Variants in GAD2 observed in about 807,000 individuals in gnomAD.
The protein encoded by GAD2 is glutamate decarboxylase 2, also known as 65 kDa glutamic acid decarboxylase.
A neutral mutation model predicts 80.1 loss-of-function variants in GAD2; 22 were observed. The observed-to-expected ratio is 0.27, with a 90% CI of 0.20 to 0.39. GAD2 has a LOEUF of 0.39. GAD2 is among the 10% of genes least tolerant of loss of function. The pLI, the probability that GAD2 is intolerant of heterozygous loss-of-function variation, is 1.00. For synonymous variants in GAD2, 274 were observed against 256.9 expected, an observed-to-expected ratio of 1.07 and a Z score of -0.64; for missense variants, 624 against 738.4, an observed-to-expected ratio of 0.85 and a Z score of 1.80.
chr10:26,283,851 G>C (rs79353177), intron 12 of GAD2, among the ~76,000 whole-genome samples: 10,506 of 152,260 alleles, frequency 0.069, 449 homozygotes, highest in Non-Finnish European at 0.098. Flanking sequence ...GCATCAGAAG[G>C]ACCTACCGAC....
chr10:26,219,297 A>G (rs1844424550), intron 4 of GAD2, 21 bp downstream of exon 4: 1 of 1,385,048 alleles, frequency 7.2e-7, no homozygotes, highest in African/African-American at 1.5e-5. Flanking sequence ...ATCGAAAATA[A>G]TAAAGCTCTT....
At chr10:26,241,237 G>A (rs1052505707) in intron 7 of GAD2, among the ~76,000 whole-genome samples, 11 of 152,170 alleles carry the variant, frequency 7.2e-5, no homozygotes, top group African/African-American at 2.7e-4. Flanking sequence ...GGGAGGGGAC[G>A]AGGGTATTCT....
At chr10:26,223,709 ATGTGTG>A (rs368846977) in intron 4 of GAD2, among the ~76,000 whole-genome samples, 172 bp from the exon 5 acceptor site, 3 of 147,900 alleles carry the variant, frequency 2.0e-5, no homozygotes, top group South Asian at 2.2e-4. Context: ...GTGTATGTGC[ATGTGTG>A]TGTGTGTGTG....
intron 10 of GAD2, 30 bp from the exon 11 acceptor site, chr10:26,273,606 T>C (rs1349045593): frequency 6.3e-7 from 1 of 1,591,046 alleles, no homozygotes; most frequent in East Asian, 2.2e-5. Context: ...GACAAACTGC[T>C]ACCATTTTCC....
chr10:26,292,474 G>A lies in GAD2; in HGVS notation c.1396G>A (p.Gly466Arg), dbSNP rs1834227227. ...TCCTTCTCTTACCTAGGGGACTACC[G>A]GGTTTGAAGCGCATGTTGATAAATG... ...WLMWRAKGTT[G>R]FEAHVDKCLE... Residue 466 changes from glycine to arginine, a missense_variant, in exon 14 of 16, where the codon GGG becomes AGG. Gly to Arg is a moderately radical substitution (Grantham distance 125). Coordinates refer to ENST00000376261, the MANE Select transcript of GAD2 (RefSeq NM_001134366.2). 9.9e-6 allele frequency: 16 copies of A among 1,613,658 alleles called. No individual in the cohort carries two copies. The highest frequency in any genetic ancestry group is 1.3e-5 in the African/African-American group (1 of 74,984).
At chr10:26,241,550 C>CTTTT (rs562624565) in intron 7 of GAD2, among the ~76,000 whole-genome samples, 3 of 143,306 alleles carry the variant, frequency 2.1e-5, no homozygotes, top group African/African-American at 7.6e-5. Flanking sequence ...CTGCTCATTT[C>CTTTT]TTTTTTTTTT....
chr10:26,224,690 A>G, intron 6 of GAD2, 39 bp downstream of exon 6: 1 of 1,398,394 alleles, frequency 7.2e-7, no homozygotes, highest in Non-Finnish European at 1.0e-6. Flanking sequence ...TTTTTCTTCT[A>G]ATATGCAATG....
intron 8 of GAD2, among the ~76,000 whole-genome samples, chr10:26,262,193 T>A (rs997716520): frequency 2.6e-5 from 4 of 151,908 alleles, no homozygotes; most frequent in African/African-American, 9.7e-5. Flanking sequence ...TTGCTAAAAT[T>A]TACTATCTGG....
intron 8 of GAD2, among the ~76,000 whole-genome samples, chr10:26,260,002 T>G (rs563091823): frequency 6.6e-6 from 1 of 152,206 alleles, no homozygotes; most frequent in Non-Finnish European, 1.5e-5. Context: ...AGATATAATC[T>G]GTCATAGTAT....
upstream of GAD2, chr10:26,216,573 C>T: frequency 2.6e-6 from 1 of 380,980 alleles, no homozygotes; most frequent in Non-Finnish European, 4.6e-6. The surrounding 1 kb of genome is among the most constrained non-coding windows in gnomAD (Gnocchi z 4.7). Context: ...TTAAAGCTCC[C>T]CGGCTTCCAA....
chr10:26,291,441 T>A (rs1037160425), intron 13 of GAD2, among the ~76,000 whole-genome samples: 11 of 152,174 alleles, frequency 7.2e-5, no homozygotes, highest in Non-Finnish European at 1.6e-4. Context: ...AGAAGTGAAT[T>A]TCTGAACCCA....
At chr10:26,228,566 C>G (rs1317046782) in intron 6 of GAD2, among the ~76,000 whole-genome samples, 1 of 152,118 alleles carries the variant, frequency 6.6e-6, no homozygotes, top group African/African-American at 2.4e-5. Flanking sequence ...TACAGGTCTG[C>G]GGTCTATTAG....
At chr10:26,247,319 T>C (rs942100589) in intron 8 of GAD2, among the ~76,000 whole-genome samples, 1 of 152,138 alleles carries the variant, frequency 6.6e-6, no homozygotes, top group Non-Finnish European at 1.5e-5. Flanking sequence ...GTGGCCATCT[T>C]GGTTTTGGTG....
intron 7 of GAD2, among the ~76,000 whole-genome samples, chr10:26,232,655 G>A (rs1010931276): frequency 1.3e-5 from 2 of 151,446 alleles, no homozygotes; most frequent in East Asian, 1.9e-4. Flanking sequence ...GGCACGTGCC[G>A]CCACACCTGG....
chr10:26,302,880 A>T lies in GAD2; in HGVS notation c.*1919A>T, dbSNP rs1834342516. On this transcript the variant is annotated 3_prime_UTR_variant, in exon 16 of 16. Transcript: ENST00000376261. ...GTCCCGCAGAATTTCATGAAGGAGT[A>T]ACCTTCCATTCTAGGCTTTGTCTAA... The T allele has an allele frequency of 6.6e-6, 1 of 152,232 alleles. No homozygotes were observed. Among genetic ancestry groups the T allele is most frequent in the Non-Finnish European group, 1.5e-5 (1 of 68,054 alleles). 9.4% of individuals were successfully genotyped at this position (152,232 alleles called of 1,614,324 possible).
chr10:26,216,782 A>C lies in GAD2; in HGVS notation c.-28A>C. On this transcript the variant is annotated 5_prime_UTR_variant, in exon 1 of 16. Coordinates refer to ENST00000376261, the MANE Select transcript of GAD2 (RefSeq NM_001134366.2). The surrounding 1 kb of genome is among the most constrained non-coding windows in gnomAD (Gnocchi z 4.7). ...CAGCTCGCCCGCAGCTCGCACTCGC[A>C]GGCGACCTGCTCCAGTCTCCAAAGC... 1 of 1,594,856 alleles carries C rather than the reference A, an allele frequency of 6.3e-7. No individual in the cohort carries two copies. The highest frequency in any genetic ancestry group is 8.6e-7 in the Non-Finnish European group (1 of 1,169,208).
chr10:26,217,237 A>T lies in GAD2; in HGVS notation c.76+352A>T, dbSNP rs1844384953. ...GGAGTGACCGTGAAGATAGAAAAAA[A>T]AAATGGGAAAGGTGAGAGATTTCTT... On this transcript the variant is annotated intron_variant, in intron 1 of 15. Transcript: ENST00000376261. This position sits in a 1 kb window ranked among gnomAD's most constrained non-coding sequence, Gnocchi z 4.9. Among the ~76,000 whole-genome samples, 1 of 152,050 alleles carries T rather than the reference A, an allele frequency of 6.6e-6. No homozygotes were observed. Among genetic ancestry groups the T allele is most frequent in the African/African-American group, 2.4e-5 (1 of 41,364 alleles).
At chr10:26,229,439 T>C (rs1346935648) in intron 6 of GAD2, among the ~76,000 whole-genome samples, 1 of 151,880 alleles carries the variant, frequency 6.6e-6, no homozygotes, top group Non-Finnish European at 1.5e-5. Context: ...TCCACTGCAG[T>C]TCCCCTTAGT....
chr10:26,242,602 G>C (rs928588868), intron 7 of GAD2, among the ~76,000 whole-genome samples: 1 of 152,170 alleles, frequency 6.6e-6, no homozygotes, highest in South Asian at 2.1e-4. Context: ...CTATTTCTCT[G>C]CTCCCTTTCC....
Sources: allele counts gnomAD v4.1 joint callset (sites outside exome capture counted in the v4.1 genomes callset), GRCh38; gene constraint gnomAD v4.1.1; non-coding constraint Gnocchi (gnomAD v3.1); transcripts MANE v1.5; gene names NCBI Gene and HGNC (gene_info 2026-07-23, HGNC 2026-07-21).